CEP128: variants seen among roughly 807,000 people sequenced by gnomAD.
CEP128 encodes centrosomal protein 128kDa.
CEP128 carries 132 observed loss-of-function variants against 156.7 expected under a neutral mutation model. The ratio of observed to expected loss-of-function variants is 0.84; its 90% CI spans 0.73 to 0.97. The LOEUF is 0.97. Among genes scored for constraint, CEP128 ranks in the 50% least tolerant of loss-of-function variants. CEP128 has a pLI of 0.00. For missense variants in CEP128, 1,252 were observed against 1,281.9 expected, an observed-to-expected ratio of 0.98 and a Z score of 0.36; for synonymous variants, 469 against 448.9, an observed-to-expected ratio of 1.04 and a Z score of -0.57.
At chr14:80,494,990 C>T (rs376740201), downstream of CEP128, among the ~76,000 whole-genome samples, 1 of 152,254 alleles carries the variant, frequency 6.6e-6, no homozygotes, top group South Asian at 2.1e-4. Flanking sequence ...CTGTGTTTCT[C>T]CCCCTGTAGC....
intron 19 of CEP128, among the ~76,000 whole-genome samples, chr14:80,687,335 C>T (rs1294561088): frequency 6.6e-6 from 1 of 152,072 alleles, no homozygotes; most frequent in Admixed American, 6.6e-5. Context: ...ACCTAGGAGC[C>T]TATCAATAGT....
At chr14:80,729,061 GTGTGTGTGTGTGT>G (rs1898148545) in intron 19 of CEP128, among the ~76,000 whole-genome samples, 1 of 26,236 alleles carries the variant, frequency 3.8e-5, no homozygotes, top group Non-Finnish European at 9.0e-5. Flanking sequence ...TGGTGGGGGT[GTGTGTGTGTGTGT>G]GTGTGTGTGT....
At chr14:80,505,773 A>G (rs1208947333) in intron 23 of CEP128, among the ~76,000 whole-genome samples, 1 of 152,232 alleles carries the variant, frequency 6.6e-6, no homozygotes, top group African/African-American at 2.4e-5. Context: ...ATAAACAGTA[A>G]AACTGTACTT....
chr14:80,618,191 A>G (rs144277266), intron 19 of CEP128, among the ~76,000 whole-genome samples: 77 of 152,324 alleles, frequency 5.1e-4, no homozygotes, highest in African/African-American at 1.8e-3. Context: ...TCGTTCAATT[A>G]CCTTTCCATC....
intron 2 of CEP128, among the ~76,000 whole-genome samples, chr14:80,934,699 G>A (rs1452420438): frequency 6.6e-6 from 1 of 152,082 alleles, no homozygotes; most frequent in East Asian, 1.9e-4. Flanking sequence ...AACTACTAAC[G>A]CTCCCAGTAG....
In CEP128 at chr14:80,538,207, G is replaced by A. The variant is rs537240890; in HGVS notation, c.2881-7321C>T. 3.3e-5 allele frequency among the ~76,000 whole-genome samples: 5 copies of A among 151,938 alleles called. No homozygotes were observed. In the East Asian group the frequency reaches 5.8e-4, roughly 18 times the overall value. ...CATCAACTCTAGTAACTTCTAAAACGTGAAGAGGTCAGTGACCATCTAAAA... is the reference window on the plus strand; with the variant it reads ...CATCAACTCTAGTAACTTCTAAAACATGAAGAGGTCAGTGACCATCTAAAA... On this transcript the variant is annotated intron_variant, in intron 21 of 24. Coordinates refer to ENST00000555265, the MANE Select transcript of CEP128 (RefSeq NM_152446.5).
intron 19 of CEP128, among the ~76,000 whole-genome samples, chr14:80,721,114 C>A (rs1897801197): frequency 6.6e-6 from 1 of 152,098 alleles, no homozygotes; most frequent in African/African-American, 2.4e-5. Flanking sequence ...AATTTCCCTT[C>A]TTACATATTG....
chr14:80,857,593 C>T (rs1040659329), intron 9 of CEP128, among the ~76,000 whole-genome samples: 31 of 151,432 alleles, frequency 2.0e-4, no homozygotes, highest in African/African-American at 7.3e-4. Context: ...ACAAAAAAAT[C>T]AGCTGGGCAT....
intron 19 of CEP128, 61 bp from the exon 20 acceptor site, chr14:80,580,484 A>T (rs2140445486): frequency 1.2e-6 from 1 of 843,838 alleles, no homozygotes; most frequent in East Asian, 2.9e-5. Flanking sequence ...GCCTCTTATC[A>T]TCAAATGCAA....
At chr14:80,957,012 C>T (rs577605428) in intron 2 of CEP128, among the ~76,000 whole-genome samples, 1 of 152,268 alleles carries the variant, frequency 6.6e-6, no homozygotes, top group African/African-American at 2.4e-5. Context: ...TGCAGCCTAC[C>T]AGATCTTTCA....
Position 80,646,994 on chromosome 14 carries a change from A to AATATATATATATATATATAT in CEP128, c.2807-66572_2807-66571insATATATATATATATATATAT, listed in dbSNP as rs372341494. ...CCAAAAGGTGCTTTTATTTATAAGAAATATATATATATATATATGTGTGTG... is the reference window on the plus strand; with the variant it reads ...CCAAAAGGTGCTTTTATTTATAAGAAATATATATATATATATATATATATATATATATATATATGTGTGTG... On this transcript the variant is annotated intron_variant, in intron 19 of 24. Transcript: ENST00000555265. Among the ~76,000 whole-genome samples, 3 of 76,594 alleles carry AATATATATATATATATATAT rather than the reference A, an allele frequency of 3.9e-5. 1 individual carries two copies. Among genetic ancestry groups the AATATATATATATATATATAT allele is most frequent in the Non-Finnish European group, 9.4e-5 (3 of 31,886 alleles). 50.2% of individuals were successfully genotyped at this position (76,594 alleles called of 152,430 possible).
At chr14:80,647,106 T>C (rs189025911) in intron 19 of CEP128, among the ~76,000 whole-genome samples, 1,832 of 74,320 alleles carry the variant, frequency 0.025, 174 homozygotes, top group African/African-American at 0.084. Flanking sequence ...TAAATACACA[T>C]ACACACACAC....
chr14:80,505,148 T>G, intron 23 of CEP128, 128 bp from the exon 24 acceptor site: 1 of 361,844 alleles, frequency 2.8e-6, no homozygotes, highest in Admixed American at 4.7e-5. Flanking sequence ...TTTAATATAA[T>G]TATAATCACT....
intron 14 of CEP128, among the ~76,000 whole-genome samples, chr14:80,481,350 G>C (rs1439654822): frequency 6.6e-6 from 1 of 152,180 alleles, no homozygotes. Flanking sequence ...GCTATCAGAA[G>C]AACAGCATGG....
intron 20 of CEP128, among the ~76,000 whole-genome samples, chr14:80,562,916 G>A (rs187605180): frequency 2.0e-5 from 3 of 151,358 alleles, no homozygotes; most frequent in African/African-American, 4.8e-5. Flanking sequence ...CTCCTGCCTC[G>A]GCCTCCCCAA....
At chr14:80,493,826 A>G (rs140388153), downstream of CEP128, among the ~76,000 whole-genome samples, 805 of 152,332 alleles carry the variant, frequency 5.3e-3, 2 homozygotes, top group Non-Finnish European at 8.5e-3. Flanking sequence ...TAGCTATAGC[A>G]GGAGAAGCCA....
At chr14:80,927,084 G>C (rs1885190782) in intron 2 of CEP128, among the ~76,000 whole-genome samples, 1 of 152,228 alleles carries the variant, frequency 6.6e-6, no homozygotes. Flanking sequence ...AGCCCCACTA[G>C]GTGGCTAGAC....
At chr14:80,914,601 G>A (rs1672767364) in intron 3 of CEP128, among the ~76,000 whole-genome samples, 193 bp from the exon 4 acceptor site, 1 of 152,040 alleles carries the variant, frequency 6.6e-6, no homozygotes. Context: ...AAATCCAACT[G>A]CAATTTACTT....
At chr14:80,881,535 T>C (rs1447744852) in intron 8 of CEP128, among the ~76,000 whole-genome samples, 8 of 151,992 alleles carry the variant, frequency 5.3e-5, no homozygotes, top group Admixed American at 3.9e-4. Context: ...TTCAAAAAAA[T>C]AGAGTAAGAA....
Sources: gnomAD v4.1 joint callset for allele counts (sites outside exome capture counted in the v4.1 genomes callset) on GRCh38, gnomAD v4.1.1 for gene constraint, MANE v1.5 for transcripts, NCBI Gene and HGNC (gene_info 2026-07-23, HGNC 2026-07-21) for gene names.